PLPP4: variants seen among roughly 807,000 people sequenced by gnomAD.
PLPP4 encodes the protein diacylglycerol pyrophosphate like 2.
PLPP4 carries 20 observed loss-of-function variants against 32.2 expected under a neutral mutation model. The ratio of observed to expected loss-of-function variants is 0.62; its 90% CI spans 0.44 to 0.90. PLPP4 has a LOEUF of 0.90. PLPP4 is among the 40% of genes least tolerant of loss of function. The probability of loss-of-function intolerance (pLI) is 0.00; values close to 1 mark genes in which losing one functional copy is unlikely to be tolerated. For synonymous variants in PLPP4, 127 were observed against 133.0 expected (o/e 0.95, Z 0.31); for missense variants, 257 against 353.1 (o/e 0.73, Z 2.18).
intron 2 of PLPP4, among the ~76,000 whole-genome samples, chr10:120,509,692 T>A (rs1589791830): frequency 6.6e-6 from 1 of 152,204 alleles, no homozygotes; most frequent in South Asian, 2.1e-4. Flanking sequence ...TGAGTTTTAG[T>A]TTGGTTATTT....
chr10:120,552,384 T>C (rs1821110413), intron 5 of PLPP4, among the ~76,000 whole-genome samples: 1 of 152,162 alleles, frequency 6.6e-6, no homozygotes, highest in African/African-American at 2.4e-5. Context: ...ATCTAACGGA[T>C]GAAACATTGA....
chr10:120,503,436 C>G, intron 1 of PLPP4: 1 of 1,003,306 alleles, frequency 1.0e-6, no homozygotes, highest in Non-Finnish European at 1.5e-6. Context: ...CAGTTACTCC[C>G]TCCCTTATGT....
intron 5 of PLPP4, among the ~76,000 whole-genome samples, chr10:120,564,139 A>G (rs1848577884): frequency 6.6e-6 from 1 of 152,112 alleles, no homozygotes; most frequent in Non-Finnish European, 1.5e-5. Context: ...ATGTTGCATT[A>G]GCTATATTCT....
chr10:120,588,229 C>T (rs1248354648), intron 6 of PLPP4, among the ~76,000 whole-genome samples: 1 of 152,238 alleles, frequency 6.6e-6, no homozygotes, highest in African/African-American at 2.4e-5. Context: ...AACACACACA[C>T]AGATACTAAG....
At chr10:120,501,356 T>A (rs7083236) in intron 1 of PLPP4, among the ~76,000 whole-genome samples, 1 of 152,156 alleles carries the variant, frequency 6.6e-6, no homozygotes, top group South Asian at 2.1e-4. Context: ...TGTCACAAAA[T>A]CAAACAAAGA....
intron 1 of PLPP4, among the ~76,000 whole-genome samples, chr10:120,481,307 GT>G (rs1213692898): frequency 6.6e-6 from 1 of 152,208 alleles, no homozygotes; most frequent in African/African-American, 2.4e-5. Context: ...TGTGCAGGCT[GT>G]CATGGATGGA....
At position 120,589,723 on chromosome 10, in the gene PLPP4, G is replaced by T; in HGVS notation, c.*221G>T. The T allele has an allele frequency of 1.9e-6, 1 of 537,954 alleles. No individual in the cohort carries two copies. Among genetic ancestry groups the T allele is most frequent in the Admixed American group, 3.4e-5 (1 of 29,824 alleles). The allele number at this position is 537,954 out of a possible 1,614,324, so 33.3% of individuals were successfully genotyped here. A position where few individuals can be genotyped will look rare whatever the true frequency, so the allele number is the denominator to read the frequency against. On this transcript the variant is annotated 3_prime_UTR_variant, in exon 7 of 7. Transcript: ENST00000398250. The stretch of plus-strand genomic sequence containing the variant: ...AAGGACAACAATCTCTGAGAGACGT[G>T]TGGAAGAGGCTGTGAAGGTGGGGTT...
chr10:120,475,401 G>A (rs974942451), intron 1 of PLPP4, among the ~76,000 whole-genome samples: 1 of 152,286 alleles, frequency 6.6e-6, no homozygotes, highest in Admixed American at 6.5e-5. Context: ...AATAATGGGT[G>A]GGTTCTGCAC....
At chr10:120,554,223 A>C (rs1848041800) in intron 5 of PLPP4, among the ~76,000 whole-genome samples, 1 of 152,136 alleles carries the variant, frequency 6.6e-6, no homozygotes, top group African/African-American at 2.4e-5. Flanking sequence ...GATCACTCTC[A>C]AGTTCAAAGT....
intron 5 of PLPP4, among the ~76,000 whole-genome samples, chr10:120,538,432 A>C (rs910418929): frequency 6.6e-6 from 1 of 152,074 alleles, no homozygotes; most frequent in Admixed American, 6.5e-5. Context: ...TCTGCTAATT[A>C]GTGCTAAATA....
chr10:120,485,568 T>C (rs746261590), intron 1 of PLPP4, among the ~76,000 whole-genome samples: 4 of 152,226 alleles, frequency 2.6e-5, no homozygotes, highest in Non-Finnish European at 4.4e-5. Context: ...GAATTCCTGT[T>C]AAGTAGAAGG....
intron 5 of PLPP4, among the ~76,000 whole-genome samples, chr10:120,544,165 G>A (rs1847498404): frequency 6.6e-6 from 1 of 152,196 alleles, no homozygotes; most frequent in Non-Finnish European, 1.5e-5. Context: ...TGGTAATTCT[G>A]TTTTTAATGT....
At chr10:120,501,809 C>T (rs1845267021) in intron 1 of PLPP4, among the ~76,000 whole-genome samples, 1 of 152,168 alleles carries the variant, frequency 6.6e-6, no homozygotes, top group African/African-American at 2.4e-5. Flanking sequence ...AGTCTTAGGT[C>T]TGTGGTAGGG....
chr10:120,527,349 G>T (rs114598770), intron 5 of PLPP4, among the ~76,000 whole-genome samples: 3,945 of 152,234 alleles, frequency 0.026, 112 homozygotes, highest in African/African-American at 0.069. Flanking sequence ...TCTTGACGTA[G>T]AACTCCTTCT....
intron 6 of PLPP4, among the ~76,000 whole-genome samples, chr10:120,577,862 T>C (rs1458596858): frequency 6.6e-6 from 1 of 152,184 alleles, no homozygotes; most frequent in Non-Finnish European, 1.5e-5. Flanking sequence ...TTACCTGAGT[T>C]CCCCTTCATG....
chr10:120,590,317 C>T lies in PLPP4; in HGVS notation c.*815C>T, dbSNP rs1373859973. On this transcript the variant is annotated 3_prime_UTR_variant, in exon 7 of 7. Transcript: ENST00000398250. ...TTCTGCAAGAAGTGATGTGACCGAT[C>T]TCACAGATCAGAAACCGCATGCCTG... Among the ~76,000 whole-genome samples, 1 of 152,206 alleles carries T rather than the reference C, an allele frequency of 6.6e-6. No homozygotes were observed. The highest frequency in any genetic ancestry group is 2.4e-5 in the African/African-American group (1 of 41,448).
chr10:120,582,774 C>T, intron 6 of PLPP4, among the ~76,000 whole-genome samples: 1 of 16,646 alleles, frequency 6.0e-5, no homozygotes, highest in Non-Finnish European at 1.2e-4. Context: ...TCCCTCCCTT[C>T]CTCCCTCCCT....
chr10:120,515,959 T>A (rs1041006073), intron 3 of PLPP4, among the ~76,000 whole-genome samples: 7 of 152,270 alleles, frequency 4.6e-5, no homozygotes, highest in African/African-American at 1.7e-4. Flanking sequence ...TCTCCAGACT[T>A]TTCATTCTCA....
At chr10:120,486,305 C>T (rs1844450821) in intron 1 of PLPP4, among the ~76,000 whole-genome samples, 1 of 150,868 alleles carries the variant, frequency 6.6e-6, no homozygotes, top group Non-Finnish European at 1.5e-5. Context: ...GAAAGATCTG[C>T]TTTTGATGGG....
Sources: gnomAD v4.1 joint callset for allele counts (sites outside exome capture counted in the v4.1 genomes callset) on GRCh38, gnomAD v4.1.1 for gene constraint, MANE v1.5 for transcripts, NCBI Gene and HGNC (gene_info 2026-07-23, HGNC 2026-07-21) for gene names.